DHX57: variants seen among roughly 807,000 people sequenced by gnomAD.
DHX57 encodes the protein putative ATP-dependent RNA helicase DHX57.
Under a neutral mutation model 156.2 loss-of-function variants are expected in DHX57, and 105 were observed. The observed-to-expected ratio is 0.67, with a 90% confidence interval of 0.57 to 0.79. DHX57 has a LOEUF of 0.79. Ranked by LOEUF, DHX57 falls within the 30% of genes least tolerant of loss-of-function variation. The pLI is 0.00. For synonymous variants in DHX57, 704 were observed against 595.6 expected (o/e 1.18, Z -2.65); for missense variants, 1,847 against 1,661.9 (o/e 1.11, Z -1.94).
chr2:38,804,447 G>A (rs1669847484), intron 22 of DHX57, among the ~76,000 whole-genome samples: 1 of 152,084 alleles, frequency 6.6e-6, no homozygotes, highest in Admixed American at 6.6e-5. Context: ...CTGAGATTGT[G>A]CCACTGCACT....
chr2:38,855,711 T>C (rs1672862941), intron 7 of DHX57, among the ~76,000 whole-genome samples: 1 of 152,142 alleles, frequency 6.6e-6, no homozygotes, highest in African/African-American at 2.4e-5. Context: ...TTGTATACTC[T>C]TGAATAAATA....
At chr2:38,873,495 T>C (rs1188890791) in intron 1 of DHX57, among the ~76,000 whole-genome samples, 1 of 152,228 alleles carries the variant, frequency 6.6e-6, no homozygotes, top group Non-Finnish European at 1.5e-5. Context: ...TTGTCTCTCC[T>C]TTCTACTCCC....
In DHX57 at chr2:38,823,134, T is replaced by A; in HGVS notation, c.3150A>T (p.Glu1050Asp). ...AATGATACCCAAGAGGGGTCAATCT[T>A]TCATCTGGAGTTAATGCTCCTAAGT... ...LRDLGALTPD[E>D]RLTPLGYHLA... is the part of the protein sequence containing the mutation. Residue 1050 changes from glutamate to aspartate, a missense_variant, in exon 17 of 24, where the codon GAA becomes GAT. Physicochemically the swap from Glu to Asp is conservative, Grantham distance 45. Transcript: ENST00000457308. 6.2e-7 allele frequency: 1 copy of A among 1,614,184 alleles called. No homozygotes were observed. Among genetic ancestry groups the A allele is most frequent in the Non-Finnish European group, 8.5e-7 (1 of 1,180,038 alleles).
chr2:38,852,784 T>C (rs1672673083), intron 9 of DHX57, among the ~76,000 whole-genome samples: 1 of 151,948 alleles, frequency 6.6e-6, no homozygotes, highest in Non-Finnish European at 1.5e-5. Flanking sequence ...CTGGCAAGAA[T>C]TTTTATTTTA....
chr2:38,865,473 C>T (rs141779134), intron 2 of DHX57, among the ~76,000 whole-genome samples: 1 of 152,182 alleles, frequency 6.6e-6, no homozygotes, highest in Admixed American at 6.5e-5. Context: ...CCCTGTGGTA[C>T]TGTGAGTCAA....
intron 6 of DHX57, among the ~76,000 whole-genome samples, chr2:38,857,627 C>T (rs1672968635): frequency 6.6e-6 from 1 of 152,140 alleles, no homozygotes; most frequent in Non-Finnish European, 1.5e-5. Context: ...ACTGGAGGGC[C>T]TAGAGAGCAT....
At position 38,847,015 on chromosome 2, in the gene DHX57, T is replaced by C; in HGVS notation, c.2219+4A>G. ...CACTGAATCTTAATTAATATCTTCC[T>C]TACCTTGTCACAGCAATTGCATCTT... is the stretch of plus-strand genomic sequence containing the variant. On this transcript the variant is annotated splice_donor_region_variant and intron_variant, in intron 11 of 23. Transcript: ENST00000457308. 6.2e-7 allele frequency: 1 copy of C among 1,611,674 alleles called. No homozygotes were observed. Among genetic ancestry groups the C allele is most frequent in the South Asian group, 1.1e-5 (1 of 90,950 alleles).
intron 11 of DHX57, 69 bp downstream of exon 11, chr2:38,846,950 T>A: frequency 1.4e-6 from 2 of 1,385,344 alleles, no homozygotes; most frequent in South Asian, 1.2e-5. Flanking sequence ...CCTTCCAAAG[T>A]GCTAGAATTA....
chr2:38,814,531 G>A (rs78804886), intron 20 of DHX57, among the ~76,000 whole-genome samples: 38 of 152,186 alleles, frequency 2.5e-4, no homozygotes, highest in East Asian at 2.1e-3. Flanking sequence ...AACTGCACTC[G>A]GAACACAGGA....
rs751786097 is a variant in DHX57 at position 38,848,409 on chromosome 2, A to T, written c.2031-7T>A. The stretch of plus-strand genomic sequence containing the variant: ...AACTAGCAGCAAGAAGTCACTAGAG[A>T]AAATAAAAGAAACACCTGAGGATCA... On this transcript the variant is annotated splice_polypyrimidine_tract_variant and splice_region_variant and intron_variant, in intron 9 of 23. Coordinates refer to ENST00000457308, the MANE Select transcript of DHX57 (RefSeq NM_198963.3). The T allele has an allele frequency of 6.3e-7, 1 of 1,583,676 alleles. No individual in the cohort carries two copies. The highest frequency in any genetic ancestry group is 8.5e-7 in the Non-Finnish European group (1 of 1,170,806).
chr2:38,864,610 A>G (rs1664960785), intron 2 of DHX57, among the ~76,000 whole-genome samples: 1 of 151,890 alleles, frequency 6.6e-6, no homozygotes, highest in Admixed American at 6.6e-5. Flanking sequence ...TTTCTAAATC[A>G]CTGGTTTTTC....
At position 38,868,259 on chromosome 2, in the gene DHX57, G is replaced by T; in HGVS notation, c.147C>A (p.Gly49=). The change falls in exon 2 of 24, where the codon GGC becomes GGA. Residue 49 remains glycine, a synonymous_variant. Transcript: ENST00000457308. ...GGGGGGGGGG[G]NRKASSRIWD... is the part of the protein sequence containing the mutation. Reference sequence around the variant, plus strand: ...ATATTCTACTGGAGGCCTTTCTGTTGCCGCCACCTCCACCACCACCACCAC... The same window carrying T: ...ATATTCTACTGGAGGCCTTTCTGTTTCCGCCACCTCCACCACCACCACCAC... 20 of 1,613,772 alleles carry T rather than the reference G, an allele frequency of 1.2e-5. No homozygotes were observed. Among genetic ancestry groups the T allele is most frequent in the Non-Finnish European group, 1.7e-5 (20 of 1,179,974 alleles).
Position 38,826,380 on chromosome 2 carries a change from C to A in DHX57, c.2813+136G>T, listed in dbSNP as rs1381045922. Reference sequence around the variant, plus strand: ...GGTCCTGGCTACACAATCATTCACACATCCACGTACAGTTTTCACAAAGTA... The same window carrying A: ...GGTCCTGGCTACACAATCATTCACAAATCCACGTACAGTTTTCACAAAGTA... On this transcript the variant is annotated intron_variant, in intron 15 of 23. Coordinates refer to ENST00000457308, the MANE Select transcript of DHX57 (RefSeq NM_198963.3). 10 of 989,308 alleles carry A rather than the reference C, an allele frequency of 1.0e-5. 1 individual carries two copies. The highest frequency in any genetic ancestry group is 1.0e-4 in the East Asian group (4 of 39,582). The allele number at this position is 989,308 out of a possible 1,614,324, so 61.3% of individuals were successfully genotyped here.
chr2:38,862,300 C>G lies in DHX57; in HGVS notation c.417G>C (p.Glu139Asp), dbSNP rs768140975. Residue 139 changes from glutamate to aspartate, a missense_variant, in exon 4 of 24, where the codon GAG (glutamate) becomes GAC (aspartate). By Grantham distance (45) the Glu-to-Asp change is conservative (BLOSUM62 2). Coordinates refer to ENST00000457308, the MANE Select transcript of DHX57 (RefSeq NM_198963.3). ...RGLSGEEEDDEPDCCNDERYW... is the reference protein window; with the variant it reads ...RGLSGEEEDDDPDCCNDERYW... ...ACCGCTCATCGTTACAGCAATCAGG[C>G]TCATCATCTTCCTCCTCCCCAGAAA... 1 of 1,599,818 alleles carries G rather than the reference C, an allele frequency of 6.3e-7. No individual in the cohort carries two copies. The highest frequency in any genetic ancestry group is 1.3e-5 in the African/African-American group (1 of 74,682).
At chr2:38,853,559 A>C (rs1345583443) in intron 9 of DHX57, 1 of 152,224 alleles carries the variant, frequency 6.6e-6, no homozygotes, top group Non-Finnish European at 1.5e-5. Context: ...TTGCTTGTTT[A>C]CTTGTTCATT....
Position 38,815,855 on chromosome 2 carries a change from C to G in DHX57, c.3472-200G>C, listed in dbSNP as rs1670521143. On this transcript the variant is annotated intron_variant, in intron 19 of 23. Coordinates refer to ENST00000457308, the MANE Select transcript of DHX57 (RefSeq NM_198963.3). ...TCACTTACGCAAACTGGCAGGCAAA[C>G]TGAAACGGTTATGCAGAAATGCAAA... The G allele has an allele frequency of 2.3e-5, 14 of 614,648 alleles. No individual in the cohort carries two copies. In the South Asian group the frequency reaches 3.0e-4, roughly 13 times the overall value. 38.1% of individuals were successfully genotyped at this position (614,648 alleles called of 1,614,324 possible).
intron 6 of DHX57, chr2:38,857,211 C>T (rs1013161644): frequency 4.6e-5 from 7 of 153,224 alleles, no homozygotes; most frequent in Non-Finnish European, 8.8e-5. Flanking sequence ...ATATAAACAG[C>T]CAAACATGGG....
chr2:38,810,748 T>G, intron 21 of DHX57: 1 of 824,822 alleles, frequency 1.2e-6, no homozygotes, highest in African/African-American at 1.7e-5. Flanking sequence ...CAGGCCTTGT[T>G]TGATTTTGCG....
chr2:38,865,872 T>C (rs977380131), intron 2 of DHX57, among the ~76,000 whole-genome samples: 1 of 152,234 alleles, frequency 6.6e-6, no homozygotes, highest in Admixed American at 6.5e-5. Flanking sequence ...GAACATCTCC[T>C]AACTGGTCTC....
Sources: gnomAD v4.1 joint callset for allele counts (sites outside exome capture counted in the v4.1 genomes callset) on GRCh38, gnomAD v4.1.1 for gene constraint, MANE v1.5 for transcripts, NCBI Gene and HGNC (gene_info 2026-07-23, HGNC 2026-07-21) for gene names.